The following ATP11A variants were observed in gnomAD, a reference collection of about 807,000 sequenced individuals.
ATP11A encodes ATPase phospholipid transporting 11A.
A neutral mutation model predicts 154.4 loss-of-function variants in ATP11A; 81 were observed. That is an observed-to-expected ratio of 0.52 (90% CI 0.44 to 0.63). The LOEUF is 0.63. Among genes scored for constraint, ATP11A ranks in the 30% least tolerant of loss-of-function variants. The pLI, the probability that ATP11A is intolerant of heterozygous loss-of-function variation, is 0.00. For missense variants in ATP11A, 1,316 were observed against 1,474.3 expected, an observed-to-expected ratio of 0.89 and a Z score of 1.76; for synonymous variants, 623 against 585.9, an observed-to-expected ratio of 1.06 and a Z score of -0.91.
At chr13:112,764,943 C>T (rs2077039545) in intron 1 of ATP11A, among the ~76,000 whole-genome samples, 1 of 152,208 alleles carries the variant, frequency 6.6e-6, no homozygotes, top group South Asian at 2.1e-4. Context: ...CGACACTTGC[C>T]TCACTCGGAT....
At chr13:112,794,970 G>A (rs897204455) in intron 2 of ATP11A, among the ~76,000 whole-genome samples, 5 of 152,200 alleles carry the variant, frequency 3.3e-5, no homozygotes, top group Non-Finnish European at 7.3e-5. Flanking sequence ...CCTGCCAGGT[G>A]CGGTGGCTCA....
intron 17 of ATP11A, among the ~76,000 whole-genome samples, chr13:112,850,455 C>T (rs570976670): frequency 1.6e-4 from 24 of 152,282 alleles, no homozygotes; most frequent in African/African-American, 5.5e-4. Flanking sequence ...GCTGCATTCT[C>T]TCTGTATGGT....
In ATP11A at chr13:112,772,673, C is replaced by A. The variant is rs115928889; in HGVS notation, c.40-12462C>A. ...CGTCATGCCCCAGCCCAGCCCTGGG[C>A]AGCTGCTAATGCACCTTCTGTTGCC... On this transcript the variant is annotated intron_variant, in intron 1 of 29. Coordinates refer to ENST00000375645, the MANE Select transcript of ATP11A (RefSeq NM_015205.3). 4.3e-3 allele frequency among the ~76,000 whole-genome samples: 658 copies of A among 152,330 alleles called. 6 individuals carry two copies. Among genetic ancestry groups the A allele is most frequent in the African/African-American group, 0.015 (625 of 41,578 alleles).
chr13:112,852,180 A>G (rs1173464824), intron 18 of ATP11A, among the ~76,000 whole-genome samples: 1 of 152,156 alleles, frequency 6.6e-6, no homozygotes, highest in Non-Finnish European at 1.5e-5. Context: ...GAATGGAAGA[A>G]AAAAAATGCC....
rs1209991828 is a variant in ATP11A, at chr13:112,842,628, G to A, written c.1809+249G>A. Reference sequence around the variant, plus strand: ...GCCATCTCCTCCCCAGCCTTGCACAGGGTTTTATTTTCGGGTGGGTGCCAG... The same window carrying A: ...GCCATCTCCTCCCCAGCCTTGCACAAGGTTTTATTTTCGGGTGGGTGCCAG... On this transcript the variant is annotated intron_variant, in intron 17 of 29. Transcript: ENST00000375645. 3.3e-5 allele frequency among the ~76,000 whole-genome samples: 5 copies of A among 152,394 alleles called. No individual in the cohort carries two copies. In the East Asian group the frequency reaches 7.7e-4, roughly 23 times the overall value.
intron 25 of ATP11A, among the ~76,000 whole-genome samples, chr13:112,866,548 A>G (rs1308975974): frequency 6.6e-6 from 1 of 151,178 alleles, no homozygotes; most frequent in Admixed American, 6.6e-5. Context: ...GATGTCAGAG[A>G]CCATCCCTGC....
intron 5 of ATP11A, among the ~76,000 whole-genome samples, chr13:112,811,163 C>CACACACACACACACACACAA (rs1221605362): frequency 1.6e-5 from 2 of 123,634 alleles, no homozygotes; most frequent in African/African-American, 5.7e-5. Context: ...CCCCTTCCAA[C>CACACACACACACACACACAA]ACACACACAC....
At chr13:112,789,846 T>A (rs994713829) in intron 2 of ATP11A, among the ~76,000 whole-genome samples, 3 of 148,736 alleles carry the variant, frequency 2.0e-5, no homozygotes, top group African/African-American at 7.5e-5. Flanking sequence ...AGTAGACCCC[T>A]GTGGAGACCT....
chr13:112,748,109 A>T (rs1386498984), intron 1 of ATP11A, among the ~76,000 whole-genome samples: 1 of 152,226 alleles, frequency 6.6e-6, no homozygotes, highest in Non-Finnish European at 1.5e-5. Flanking sequence ...TGTGTGTGAA[A>T]CACAAATGAA....
chr13:112,791,073 G>A (rs950662693), intron 2 of ATP11A, among the ~76,000 whole-genome samples: 1 of 152,162 alleles, frequency 6.6e-6, no homozygotes, highest in Non-Finnish European at 1.5e-5. Context: ...AGTCTCAGGC[G>A]GAGCTCACTG....
intron 24 of ATP11A, 115 bp downstream of exon 24, chr13:112,860,529 C>A: frequency 8.1e-7 from 1 of 1,232,190 alleles, no homozygotes; most frequent in Non-Finnish European, 1.1e-6. Context: ...AAGCATTCGG[C>A]ATCTGCTGAT....
chr13:112,886,390 A>G lies in ATP11A; in HGVS notation c.*4524A>G, dbSNP rs897465446. On this transcript the variant is annotated 3_prime_UTR_variant, in exon 30 of 30. Coordinates refer to ENST00000375645, the MANE Select transcript of ATP11A (RefSeq NM_015205.3). The stretch of plus-strand genomic sequence containing the variant: ...GCACTGACTAGTACTGAATAATACA[A>G]CCACTCTTATTTAATGTTAGTATTA... 2.0e-5 allele frequency: 3 copies of G among 152,172 alleles called. No individual in the cohort carries two copies. The highest frequency in any genetic ancestry group is 4.4e-5 in the Non-Finnish European group (3 of 68,040). The allele number at this position is 152,172 out of a possible 1,614,324, so 9.4% of individuals were successfully genotyped here. A position where few individuals can be genotyped will look rare whatever the true frequency, so the allele number is the denominator to read the frequency against.
chr13:112,779,357 G>A (rs1325174615), intron 1 of ATP11A, among the ~76,000 whole-genome samples: 3 of 143,144 alleles, frequency 2.1e-5, no homozygotes, highest in African/African-American at 5.3e-5. Context: ...GTGAGTAGCC[G>A]CTGGAGTGAG....
chr13:112,784,191 T>G (rs1236067014), intron 1 of ATP11A, among the ~76,000 whole-genome samples: 2 of 152,300 alleles, frequency 1.3e-5, no homozygotes, highest in East Asian at 3.9e-4. Context: ...GCATGCAGAT[T>G]AAGGGGTGGT....
intron 1 of ATP11A, among the ~76,000 whole-genome samples, chr13:112,781,408 G>T (rs919556489): frequency 6.6e-6 from 1 of 152,178 alleles, no homozygotes; most frequent in East Asian, 1.9e-4. Context: ...GACCGGTGAG[G>T]TTCAGAAGTT....
rs182319320 is a variant in ATP11A at position 112,831,331 on chromosome 13, G to A, written c.1222-44G>A. The A allele has an allele frequency of 7.0e-4, 1,116 of 1,597,330 alleles. 5 individuals carry two copies. The African/African-American group carries it at 0.011, about 16-fold the overall frequency. ...CTGTGTGTCTGAGTCGGGGACGTGC[G>A]GGCCTCCCTCAGAGCGCCCTGACTT... On this transcript the variant is annotated intron_variant, in intron 12 of 29. Coordinates refer to ENST00000375645, the MANE Select transcript of ATP11A (RefSeq NM_015205.3).
chr13:112,757,905 C>T lies in ATP11A; in HGVS notation c.40-27230C>T, dbSNP rs370527002. ...GAGTGAGTGGCTTTAGGTCTGCACG[C>T]TGTGTTAGGGGAGCCAGGGGCCAGC... On this transcript the variant is annotated intron_variant, in intron 1 of 29. Coordinates refer to ENST00000375645, the MANE Select transcript of ATP11A (RefSeq NM_015205.3). Among the ~76,000 whole-genome samples, 54 of 152,294 alleles carry T rather than the reference C, an allele frequency of 3.5e-4. 1 individual carries two copies. In the South Asian group the frequency reaches 0.011, roughly 30 times the overall value.
chr13:112,809,786 G>A (rs1007178115), intron 4 of ATP11A, among the ~76,000 whole-genome samples: 3 of 152,184 alleles, frequency 2.0e-5, no homozygotes, highest in African/African-American at 4.8e-5. Flanking sequence ...ACAAAGGCAC[G>A]TTTGTCATCC....
intron 1 of ATP11A, among the ~76,000 whole-genome samples, chr13:112,711,647 G>A (rs1485178122): frequency 2.0e-5 from 3 of 152,172 alleles, no homozygotes; most frequent in Non-Finnish European, 2.9e-5. Flanking sequence ...GGCACCGTGC[G>A]TTGAGCCAGG....
Sources: gnomAD v4.1 joint callset for allele counts (sites outside exome capture counted in the v4.1 genomes callset) on GRCh38, gnomAD v4.1.1 for gene constraint, MANE v1.5 for transcripts, NCBI Gene and HGNC (gene_info 2026-07-23, HGNC 2026-07-21) for gene names.